The following CDH11 variants were observed in gnomAD, a reference collection of about 807,000 sequenced individuals.
The protein encoded by CDH11 is cadherin 11.
In CDH11, 11 loss-of-function variants were observed where a neutral mutation model predicts 67.8. The observed-to-expected ratio is 0.16, with a 90% CI of 0.10 to 0.27. The LOEUF is 0.27. Ranked by LOEUF, CDH11 falls within the 10% of genes least tolerant of loss-of-function variation. The pLI is 1.00. For missense variants in CDH11, 847 were observed against 1,031.2 expected (o/e 0.82, Z 2.45); for synonymous variants, 419 against 400.0 (o/e 1.05, Z -0.57).
chr16:65,094,930 T>C (rs2074862562), intron 1 of CDH11: 1 of 152,084 alleles, frequency 6.6e-6, no homozygotes, highest in Admixed American at 6.6e-5. Context: ...TGGTTATAAA[T>C]TACCCAGGAT....
chr16:65,088,740 A>G (rs1264239852), intron 1 of CDH11, among the ~76,000 whole-genome samples: 1 of 152,194 alleles, frequency 6.6e-6, no homozygotes, highest in Non-Finnish European at 1.5e-5. Context: ...ATGAGCTTCT[A>G]TCTTGCGTGT....
intron 2 of CDH11, among the ~76,000 whole-genome samples, chr16:65,050,308 C>A (rs1344005431): frequency 6.6e-6 from 1 of 152,128 alleles, no homozygotes; most frequent in Admixed American, 6.5e-5. Context: ...AACTAGAGTG[C>A]CGATCCTGTG....
At chr16:65,011,807 T>C (rs1244042816) in intron 2 of CDH11, among the ~76,000 whole-genome samples, 3 of 152,228 alleles carry the variant, frequency 2.0e-5, no homozygotes, top group African/African-American at 7.2e-5. Flanking sequence ...TGTTCTTTTG[T>C]ATGAGCTAAG....
chr16:65,074,998 T>G, intron 1 of CDH11, among the ~76,000 whole-genome samples: 1 of 152,108 alleles, frequency 6.6e-6, no homozygotes, highest in Admixed American at 6.6e-5. Context: ...TCCTGCTGTC[T>G]CAAATCTTAC....
chr16:65,118,248 T>C (rs1200783341), intron 1 of CDH11, among the ~76,000 whole-genome samples: 1 of 152,202 alleles, frequency 6.6e-6, no homozygotes. Context: ...GGTAAAATTA[T>C]AGCAGAAAGA....
At chr16:64,959,847 T>C (rs978552793) in intron 11 of CDH11, among the ~76,000 whole-genome samples, 2 of 152,176 alleles carry the variant, frequency 1.3e-5, no homozygotes, top group Non-Finnish European at 2.9e-5. Context: ...TGTCCTTAGT[T>C]CGGGGGGAAA....
chr16:65,045,330 TATATATATATATATATATATATATATATA>T, intron 2 of CDH11, among the ~76,000 whole-genome samples: 1 of 7,472 alleles, frequency 1.3e-4, no homozygotes, highest in South Asian at 5.5e-3. Flanking sequence ...CCCTCAAAAG[TATATATATATATATATATATATATATATA>T]TATATATATA....
chr16:65,105,659 G>GCCC (rs2142868408), intron 1 of CDH11, among the ~76,000 whole-genome samples: 1 of 152,314 alleles, frequency 6.6e-6, no homozygotes, highest in Admixed American at 6.5e-5. Flanking sequence ...TGCAGGTAGA[G>GCCC]TTGATATTTT....
intron 11 of CDH11, among the ~76,000 whole-genome samples, chr16:64,965,415 A>C (rs1283151750): frequency 6.6e-6 from 1 of 151,940 alleles, no homozygotes; most frequent in Non-Finnish European, 1.5e-5. Flanking sequence ...ACTAAGATGT[A>C]AACCCACACA....
chr16:65,064,684 G>A (rs926770992), intron 1 of CDH11, among the ~76,000 whole-genome samples: 1 of 152,122 alleles, frequency 6.6e-6, no homozygotes, highest in Non-Finnish European at 1.5e-5. Flanking sequence ...CAATTATGTT[G>A]TTTCCTTTTA....
At chr16:65,027,602 T>A (rs1323587931) in intron 2 of CDH11, among the ~76,000 whole-genome samples, 2 of 152,186 alleles carry the variant, frequency 1.3e-5, no homozygotes, top group Non-Finnish European at 2.9e-5. Flanking sequence ...CTGTAAACCA[T>A]GAACTTGGGC....
At chr16:65,001,251 T>C (rs1389755791) in intron 3 of CDH11, among the ~76,000 whole-genome samples, 2 of 152,250 alleles carry the variant, frequency 1.3e-5, no homozygotes, top group African/African-American at 4.8e-5. Flanking sequence ...TTGTTATTCA[T>C]AACAATGTGT....
intron 12 of CDH11, chr16:64,948,488 G>T: frequency 1.1e-6 from 1 of 876,198 alleles, no homozygotes; most frequent in Non-Finnish European, 1.9e-6. Context: ...TTTTTCCAAG[G>T]TTTAAAAATG....
intron 1 of CDH11, among the ~76,000 whole-genome samples, chr16:65,089,020 C>G (rs916983310): frequency 1.3e-5 from 2 of 152,172 alleles, no homozygotes; most frequent in African/African-American, 2.4e-5. Context: ...TTGTTTTTCA[C>G]TTTCGATGCA....
chr16:64,966,063 C>T (rs1227719971), intron 11 of CDH11, among the ~76,000 whole-genome samples: 1 of 151,838 alleles, frequency 6.6e-6, no homozygotes, highest in East Asian at 1.9e-4. Flanking sequence ...AATAGAATCA[C>T]ATAAAATACT....
intron 11 of CDH11, among the ~76,000 whole-genome samples, chr16:64,960,437 T>A (rs1269488287): frequency 6.6e-6 from 1 of 152,120 alleles, no homozygotes; most frequent in African/African-American, 2.4e-5. Flanking sequence ...CAGATTCTAG[T>A]GGGAGACAAG....
chr16:65,054,741 C>T (rs957342133), intron 1 of CDH11, among the ~76,000 whole-genome samples: 2 of 152,190 alleles, frequency 1.3e-5, no homozygotes, highest in African/African-American at 2.4e-5. Flanking sequence ...CATAACACAA[C>T]AGCATAAAGG....
intron 1 of CDH11, among the ~76,000 whole-genome samples, chr16:65,104,698 G>A (rs1181859066): frequency 6.6e-6 from 1 of 152,176 alleles, no homozygotes; most frequent in Non-Finnish European, 1.5e-5. Context: ...TCCTGGGAAT[G>A]GAAGGAGACA....
intron 2 of CDH11, among the ~76,000 whole-genome samples, chr16:65,044,996 C>T (rs970967625): frequency 5.3e-5 from 8 of 152,022 alleles, no homozygotes; most frequent in South Asian, 2.1e-4. Context: ...GTGTGGGCAC[C>T]GGTTCCATCC....
Sources: allele counts gnomAD v4.1 joint callset (sites outside exome capture counted in the v4.1 genomes callset), GRCh38; gene constraint gnomAD v4.1.1; transcripts MANE v1.5; gene names NCBI Gene and HGNC (gene_info 2026-07-23, HGNC 2026-07-21).